The following SPOCK3 variants were observed in gnomAD, a reference collection of about 807,000 sequenced individuals.
The protein encoded by SPOCK3 is SPARC (osteonectin), cwcv and kazal like domains proteoglycan 3, also known as testican-3.
SPOCK3 carries 30 observed loss-of-function variants against 56.6 expected under a neutral mutation model. That is an observed-to-expected ratio of 0.53 (90% CI 0.40 to 0.72). SPOCK3 has a LOEUF of 0.72. SPOCK3 is among the 30% of genes least tolerant of loss of function. The pLI is 0.00. For missense variants in SPOCK3, 527 were observed against 530.0 expected, an observed-to-expected ratio of 0.99 and a Z score of 0.06; for synonymous variants, 196 against 183.3, an observed-to-expected ratio of 1.07 and a Z score of -0.56.
chr4:167,229,666 C>T lies in SPOCK3; in HGVS notation c.189+4319G>A, dbSNP rs559706183. Among the ~76,000 whole-genome samples the T allele has an allele frequency of 1.4e-4, 22 of 152,178 alleles. No homozygotes were observed. The East Asian group carries it at 4.2e-3, about 29-fold the overall frequency. On this transcript the variant is annotated intron_variant, in intron 2 of 10. Transcript: ENST00000357545. ...AATGTTCTGCTTACTATTCAACACC[C>T]ACAAATCAGATATTTTTTAAAAGTC...
chr4:167,037,506 A>C (rs28526426), intron 3 of SPOCK3, among the ~76,000 whole-genome samples: 13,125 of 151,584 alleles, frequency 0.087, 757 homozygotes, highest in African/African-American at 0.16. Context: ...AAAAAAAAAA[A>C]AAAACTATTT....
At chr4:166,895,628 C>A (rs1007039107) in intron 5 of SPOCK3, among the ~76,000 whole-genome samples, 10 of 152,122 alleles carry the variant, frequency 6.6e-5, no homozygotes, top group Non-Finnish European at 1.5e-4. Context: ...TAAATTGTTA[C>A]ATTAACTGCT....
chr4:167,132,150 A>T (rs1056469272), intron 2 of SPOCK3, among the ~76,000 whole-genome samples: 1 of 152,222 alleles, frequency 6.6e-6, no homozygotes, highest in Non-Finnish European at 1.5e-5. Context: ...CCTAGGATAA[A>T]TGATGTCATA....
intron 2 of SPOCK3, among the ~76,000 whole-genome samples, chr4:167,217,545 G>C (rs1735489576): frequency 6.6e-6 from 1 of 151,974 alleles, no homozygotes; most frequent in South Asian, 2.1e-4. Context: ...ATGGATTTTG[G>C]TATCTCTCCT....
At chr4:167,005,368 C>A (rs1749357319) in intron 3 of SPOCK3, among the ~76,000 whole-genome samples, 1 of 151,878 alleles carries the variant, frequency 6.6e-6, no homozygotes, top group East Asian at 2.0e-4. Context: ...CACCACCACG[C>A]CTGGCTAATT....
At chr4:167,084,706 C>T (rs1758029857) in intron 2 of SPOCK3, among the ~76,000 whole-genome samples, 1 of 152,028 alleles carries the variant, frequency 6.6e-6, no homozygotes, top group South Asian at 2.1e-4. Flanking sequence ...CCTAAGAGTT[C>T]AATTTACATC....
rs759741787 is a variant in SPOCK3, at chr4:167,062,512, G to A, written c.215C>T (p.Pro72Leu). Reference protein sequence around the residue: ...RDDDYFRTWSPGKPFDQALDP... With the variant: ...RDDDYFRTWSLGKPFDQALDP... ...CTTACCCTGATCGAAGGGTTTTCCT[G>A]GACTCCAAGTGCGGAAATAATCATC... The change falls in exon 3 of 11, where the codon CCA becomes CTA. Residue 72 changes from proline (P) to leucine (L), a missense_variant. Pro to Leu is a moderately conservative substitution (Grantham distance 98). Coordinates refer to ENST00000357545, the MANE Select transcript of SPOCK3 (RefSeq NM_001040159.2). The A allele has an allele frequency of 6.2e-7, 1 of 1,606,652 alleles. No homozygotes were observed. The highest frequency in any genetic ancestry group is 1.1e-5 in the South Asian group (1 of 90,432).
intron 2 of SPOCK3, among the ~76,000 whole-genome samples, chr4:167,212,188 T>G (rs1734939165): frequency 6.6e-6 from 1 of 152,180 alleles, no homozygotes; most frequent in Non-Finnish European, 1.5e-5. Context: ...GTGTTCATTT[T>G]AGATTTTTCA....
chr4:167,008,885 T>C (rs1259590104), intron 3 of SPOCK3, among the ~76,000 whole-genome samples: 1 of 152,010 alleles, frequency 6.6e-6, no homozygotes, highest in African/African-American at 2.4e-5. Context: ...AACTACCTAT[T>C]TAGTACTATG....
In SPOCK3 at chr4:166,964,612, G is replaced by A. The variant is rs904727162; in HGVS notation, c.350+35737C>T. Among the ~76,000 whole-genome samples, 11 of 151,606 alleles carry A rather than the reference G, an allele frequency of 7.3e-5. No individual in the cohort carries two copies. In the East Asian group the frequency reaches 2.1e-3, roughly 29 times the overall value. ...ATATTTCACATCTAAATATACGTAT[G>A]TAAATATATAGTTGATATTATATAT... On this transcript the variant is annotated intron_variant, in intron 4 of 10. Transcript: ENST00000357545.
At chr4:167,165,691 A>T (rs1441046491) in intron 2 of SPOCK3, among the ~76,000 whole-genome samples, 1 of 152,144 alleles carries the variant, frequency 6.6e-6, no homozygotes, top group African/African-American at 2.4e-5. Flanking sequence ...TATAATGGTT[A>T]AAACTATATA....
At chr4:166,931,138 C>T (rs562031275) in intron 4 of SPOCK3, among the ~76,000 whole-genome samples, 13 of 152,266 alleles carry the variant, frequency 8.5e-5, no homozygotes, top group South Asian at 2.1e-4. Context: ...CCCGCCACCA[C>T]GCCCAGCTAA....
chr4:166,956,161 TTA>T (rs1743438224), intron 4 of SPOCK3, among the ~76,000 whole-genome samples: 1 of 151,958 alleles, frequency 6.6e-6, no homozygotes, highest in African/African-American at 2.4e-5. Flanking sequence ...ATTTTGAGGG[TTA>T]TGTGCCAAGC....
At position 166,767,999 on chromosome 4, in the gene SPOCK3, C is replaced by A. The variant is rs145976933; in HGVS notation, c.710-13270G>T. On this transcript the variant is annotated intron_variant, in intron 7 of 10. Coordinates refer to ENST00000357545, the MANE Select transcript of SPOCK3 (RefSeq NM_001040159.2). ...GGTTTAAAGTCTGTTTTATCAGAGACTAGGATTGCAAACCCTGCTTTTTTT... is the reference window on the plus strand; with the variant it reads ...GGTTTAAAGTCTGTTTTATCAGAGAATAGGATTGCAAACCCTGCTTTTTTT... Among the ~76,000 whole-genome samples, 491 of 138,888 alleles carry A rather than the reference C, an allele frequency of 3.5e-3. 3 individuals carry two copies. Among genetic ancestry groups the A allele is most frequent in the African/African-American group, 0.013 (450 of 34,874 alleles). 91.1% of individuals were successfully genotyped at this position (138,888 alleles called of 152,430 possible).
At chr4:167,142,793 C>A (rs1011018263) in intron 2 of SPOCK3, among the ~76,000 whole-genome samples, 3 of 151,830 alleles carry the variant, frequency 2.0e-5, no homozygotes, top group African/African-American at 4.8e-5. Flanking sequence ...CAAAAATGAA[C>A]AATAGGGACA....
intron 2 of SPOCK3, among the ~76,000 whole-genome samples, chr4:167,199,617 A>C (rs757304860): frequency 6.6e-6 from 1 of 151,546 alleles, no homozygotes; most frequent in Non-Finnish European, 1.5e-5. Flanking sequence ...TGTTTGCAAG[A>C]ATAGCCCCCA....
chr4:166,877,070 T>C (rs574528210), intron 6 of SPOCK3, among the ~76,000 whole-genome samples: 1 of 152,192 alleles, frequency 6.6e-6, no homozygotes, highest in South Asian at 2.1e-4. Flanking sequence ...ACCAAAAGAA[T>C]GAAATACCAT....
chr4:166,859,947 T>C (rs1731069296), intron 6 of SPOCK3, among the ~76,000 whole-genome samples: 1 of 152,062 alleles, frequency 6.6e-6, no homozygotes, highest in Admixed American at 6.6e-5. Context: ...GAGCAAATAT[T>C]TACCAGTATC....
intron 2 of SPOCK3, among the ~76,000 whole-genome samples, chr4:167,154,397 A>T (rs546022727): frequency 6.6e-6 from 1 of 152,114 alleles, no homozygotes; most frequent in Non-Finnish European, 1.5e-5. Context: ...CAAAGCATAC[A>T]TGCAGAATGA....
Sources: gnomAD v4.1 joint callset for allele counts (sites outside exome capture counted in the v4.1 genomes callset) on GRCh38, gnomAD v4.1.1 for gene constraint, MANE v1.5 for transcripts, NCBI Gene and HGNC (gene_info 2026-07-23, HGNC 2026-07-21) for gene names.